Variants in FAM135B observed in about 807,000 individuals in gnomAD.
FAM135B encodes the protein protein FAM135B.
In FAM135B, 43 loss-of-function variants were observed where a neutral mutation model predicts 127.7. That is an observed-to-expected ratio of 0.34 (90% CI 0.26 to 0.43). The LOEUF is 0.43. FAM135B is among the 20% of genes least tolerant of loss of function. The pLI is 1.00. For synonymous variants in FAM135B, 670 were observed against 665.1 expected (o/e 1.01, Z -0.11); for missense variants, 1,558 against 1,725.6 (o/e 0.90, Z 1.72).
chr8:138,393,537 T>C (rs1382817217), intron 1 of FAM135B, among the ~76,000 whole-genome samples: 2 of 152,170 alleles, frequency 1.3e-5, no homozygotes, highest in African/African-American at 2.4e-5. Flanking sequence ...ACTTACTTCC[T>C]GCAGCTTAGC....
intron 1 of FAM135B, among the ~76,000 whole-genome samples, chr8:138,451,020 T>A (rs1186931166): frequency 6.6e-6 from 1 of 152,196 alleles, no homozygotes; most frequent in East Asian, 1.9e-4. Flanking sequence ...AGTGCTGTGA[T>A]CCAAATCCAG....
At chr8:138,374,669 G>A (rs919254882) in intron 1 of FAM135B, among the ~76,000 whole-genome samples, 5 of 152,136 alleles carry the variant, frequency 3.3e-5, no homozygotes, top group Non-Finnish European at 5.9e-5. Flanking sequence ...AACTAAGACC[G>A]GAGGCTCTAA....
At chr8:138,142,924 A>G in intron 16 of FAM135B, 88 bp downstream of exon 16, 1 of 725,004 alleles carries the variant, frequency 1.4e-6, no homozygotes, top group East Asian at 2.5e-5. Context: ...GGTATACAGA[A>G]GGCATCATAT....
chr8:138,387,494 C>T lies in FAM135B; in HGVS notation c.-19-19492G>A, dbSNP rs182181145. Among the ~76,000 whole-genome samples, 7 of 152,294 alleles carry T rather than the reference C, an allele frequency of 4.6e-5. No individual in the cohort carries two copies. The East Asian group carries it at 1.3e-3, about 29-fold the overall frequency. ...TCTCCTTTTGCTCATTCTCTCCAGA[C>T]CAGCAGAAAGAAGATGACCTAACAT... On this transcript the variant is annotated intron_variant, in intron 1 of 19. Coordinates refer to ENST00000395297, the MANE Select transcript of FAM135B (RefSeq NM_015912.4).
intron 4 of FAM135B, among the ~76,000 whole-genome samples, chr8:138,257,236 C>T (rs1822163724): frequency 1.3e-5 from 2 of 152,230 alleles, no homozygotes; most frequent in South Asian, 4.1e-4. Context: ...GCCCACGTGT[C>T]CAGAGGAGGA....
Position 138,496,666 on chromosome 8 carries a change from C to G in FAM135B, c.-20+5G>C, listed in dbSNP as rs946465489. The G allele has an allele frequency of 1.3e-5, 2 of 152,314 alleles. No homozygotes were observed. Among genetic ancestry groups the G allele is most frequent in the Non-Finnish European group, 2.9e-5 (2 of 68,168 alleles). 9.4% of individuals were successfully genotyped at this position (152,314 alleles called of 1,614,324 possible). ...AGCTGCCGACCCCGAAGCGCTCTCA[C>G]CTACCTGTCTCCACTGCAGGGCTCC... On this transcript the variant is annotated splice_donor_5th_base_variant and intron_variant, in intron 1 of 19. Coordinates refer to ENST00000395297, the MANE Select transcript of FAM135B (RefSeq NM_015912.4).
intron 1 of FAM135B, chr8:138,438,510 GTAGT>G (rs1368168457): frequency 2.0e-5 from 3 of 152,316 alleles, no homozygotes; most frequent in South Asian, 2.1e-4. Context: ...GAGCTAGGCA[GTAGT>G]TAAAGTGGTA....
At chr8:138,356,219 A>G (rs1296683970) in intron 2 of FAM135B, among the ~76,000 whole-genome samples, 1 of 152,190 alleles carries the variant, frequency 6.6e-6, no homozygotes, top group Non-Finnish European at 1.5e-5. Flanking sequence ...GCACAAAAGG[A>G]CTAAAATGGT....
chr8:138,178,192 G>A (rs181594210), intron 10 of FAM135B, among the ~76,000 whole-genome samples: 5 of 151,934 alleles, frequency 3.3e-5, no homozygotes, highest in East Asian at 3.9e-4. Flanking sequence ...AGATTGCAGT[G>A]AGCGGAGATT....
intron 7 of FAM135B, among the ~76,000 whole-genome samples, chr8:138,213,552 T>C (rs948077338): frequency 6.6e-6 from 1 of 151,820 alleles, no homozygotes; most frequent in Admixed American, 6.6e-5. Context: ...GCTTTAAGAC[T>C]TGGCTCTCAG....
intron 1 of FAM135B, among the ~76,000 whole-genome samples, chr8:138,489,751 T>C (rs958674405): frequency 6.6e-6 from 1 of 152,186 alleles, no homozygotes; most frequent in Non-Finnish European, 1.5e-5. Context: ...CACATCCTAC[T>C]GCCTGCAATA....
chr8:138,424,298 A>G (rs1026482152), intron 1 of FAM135B, among the ~76,000 whole-genome samples: 9 of 152,338 alleles, frequency 5.9e-5, no homozygotes, highest in Non-Finnish European at 1.0e-4. Context: ...GGCGTAAGAA[A>G]TTATAAAAGT....
intron 1 of FAM135B, chr8:138,438,253 C>T (rs1329512641): frequency 6.6e-6 from 1 of 152,128 alleles, no homozygotes; most frequent in African/African-American, 2.4e-5. Flanking sequence ...CCTATAATTT[C>T]ACACCTCTTA....
chr8:138,494,955 G>A (rs1360683976), intron 1 of FAM135B, among the ~76,000 whole-genome samples: 2 of 152,156 alleles, frequency 1.3e-5, no homozygotes, highest in African/African-American at 4.8e-5. Context: ...CAAGGTGGAT[G>A]GCATGCAGCA....
intron 1 of FAM135B, among the ~76,000 whole-genome samples, chr8:138,410,442 C>T (rs1357708674): frequency 2.0e-5 from 3 of 152,084 alleles, no homozygotes; most frequent in Non-Finnish European, 4.4e-5. Flanking sequence ...ATGGAACTGG[C>T]GATATAGCCA....
chr8:138,425,994 TATATATATATATATATATAC>T (rs1240025690), intron 1 of FAM135B, among the ~76,000 whole-genome samples: 3 of 16,212 alleles, frequency 1.9e-4, no homozygotes, highest in Admixed American at 1.1e-3. Flanking sequence ...TATATATATA[TATATATATATATATATATAC>T]ACACACATAC....
At chr8:138,258,570 A>C (rs1822288404) in intron 4 of FAM135B, among the ~76,000 whole-genome samples, 1 of 152,184 alleles carries the variant, frequency 6.6e-6, no homozygotes, top group African/African-American at 2.4e-5. Flanking sequence ...TGCCTGGGTA[A>C]TGAAAATTCA....
chr8:138,256,294 G>A (rs999415928), intron 5 of FAM135B, among the ~76,000 whole-genome samples: 1 of 152,134 alleles, frequency 6.6e-6, no homozygotes, highest in South Asian at 2.1e-4. Context: ...CAGATATGTC[G>A]CACAAAGATG....
At chr8:138,225,327 A>G (rs1028033810) in intron 7 of FAM135B, among the ~76,000 whole-genome samples, 1 of 152,154 alleles carries the variant, frequency 6.6e-6, no homozygotes, top group Non-Finnish European at 1.5e-5. Flanking sequence ...AGGTACAACA[A>G]GAAGGTAGCC....
Sources: allele counts gnomAD v4.1 joint callset (sites outside exome capture counted in the v4.1 genomes callset), GRCh38; gene constraint gnomAD v4.1.1; transcripts MANE v1.5; gene names NCBI Gene and HGNC (gene_info 2026-07-23, HGNC 2026-07-21).